NCK2: variants seen among roughly 807,000 people sequenced by gnomAD.
NCK2 encodes cytoplasmic protein NCK2.
NCK2 carries 16 observed loss-of-function variants against 33.9 expected under a neutral mutation model. The observed-to-expected ratio is 0.47, with a 90% CI of 0.32 to 0.72. The LOEUF (loss-of-function observed/expected upper bound fraction) is 0.72. Among genes scored for constraint, NCK2 ranks in the 30% least tolerant of loss-of-function variants. NCK2 has a pLI of 0.03. For missense variants in NCK2, 418 were observed against 537.3 expected (o/e 0.78, Z 2.19); for synonymous variants, 273 against 239.9 (o/e 1.14, Z -1.27).
At chr2:105,817,982 A>G (rs1441087467) in intron 2 of NCK2, among the ~76,000 whole-genome samples, 3 of 152,136 alleles carry the variant, frequency 2.0e-5, no homozygotes, top group African/African-American at 7.2e-5. Context: ...ATGCACACGT[A>G]TGTTTATTGC....
intron 1 of NCK2, among the ~76,000 whole-genome samples, chr2:105,814,293 C>A (rs1337452469): frequency 6.6e-6 from 1 of 152,190 alleles, no homozygotes; most frequent in African/African-American, 2.4e-5. Context: ...CAGTGGAATG[C>A]TTTTCTCAAG....
At chr2:105,831,607 T>C (rs1181985407) in intron 2 of NCK2, among the ~76,000 whole-genome samples, 4 of 152,194 alleles carry the variant, frequency 2.6e-5, no homozygotes, top group Non-Finnish European at 5.9e-5. Flanking sequence ...TTCTTCTGCA[T>C]ATGGATATCC....
chr2:105,868,021 T>C (rs889069422), intron 3 of NCK2, among the ~76,000 whole-genome samples: 40 of 152,242 alleles, frequency 2.6e-4, no homozygotes, highest in African/African-American at 9.2e-4. Flanking sequence ...GTCTGTTTCC[T>C]GGAAGCAGGT....
chr2:105,843,890 C>A (rs2104556688), intron 2 of NCK2, among the ~76,000 whole-genome samples: 1 of 152,310 alleles, frequency 6.6e-6, no homozygotes, highest in Middle Eastern at 3.4e-3. Context: ...TTCCAAAGAG[C>A]ATAGCATGGA....
chr2:105,883,026 A>G (rs1385789313), intron 4 of NCK2, among the ~76,000 whole-genome samples: 1 of 145,798 alleles, frequency 6.9e-6, no homozygotes, highest in Non-Finnish European at 1.5e-5. Context: ...AGAGGCATTC[A>G]AAGCCCTCCA....
At chr2:105,747,522 G>A (rs1217530829) in intron 1 of NCK2, among the ~76,000 whole-genome samples, 1 of 152,104 alleles carries the variant, frequency 6.6e-6, no homozygotes, top group Non-Finnish European at 1.5e-5. Context: ...CAGGGCTTGC[G>A]GAAATCATTC....
intron 3 of NCK2, among the ~76,000 whole-genome samples, chr2:105,874,564 G>A (rs116032203): frequency 6.6e-6 from 1 of 152,356 alleles, no homozygotes; most frequent in African/African-American, 2.4e-5. Flanking sequence ...AAAATTAAAT[G>A]ATTTTGCCAT....
chr2:105,757,315 T>G (rs1689627858), intron 1 of NCK2, among the ~76,000 whole-genome samples: 1 of 152,194 alleles, frequency 6.6e-6, no homozygotes, highest in East Asian at 1.9e-4. Flanking sequence ...GCCCCAACTT[T>G]CGCTGTGTTA....
intron 1 of NCK2, among the ~76,000 whole-genome samples, chr2:105,803,117 C>G (rs2104450430): frequency 6.6e-6 from 1 of 152,112 alleles, no homozygotes; most frequent in East Asian, 1.9e-4. Context: ...GAAGGTCAGT[C>G]TTGGGAAAGC....
chr2:105,810,909 C>T (rs1386146997), intron 1 of NCK2, among the ~76,000 whole-genome samples: 2 of 152,182 alleles, frequency 1.3e-5, no homozygotes. Context: ...GGTGCAGTGG[C>T]TCACACCTGT....
At chr2:105,787,698 A>G (rs1017083417) in intron 1 of NCK2, among the ~76,000 whole-genome samples, 4 of 152,180 alleles carry the variant, frequency 2.6e-5, no homozygotes, top group Non-Finnish European at 2.9e-5. Flanking sequence ...GTCAGGGTGC[A>G]CTGGTGACCA....
intron 1 of NCK2, among the ~76,000 whole-genome samples, chr2:105,748,758 G>T (rs1315455250): frequency 2.0e-5 from 3 of 151,952 alleles, no homozygotes; most frequent in African/African-American, 7.3e-5. Context: ...ACTAGATTCT[G>T]AACCGCTTGG....
chr2:105,854,883 C>G, intron 2 of NCK2, 165 bp from the exon 3 acceptor site: 1 of 576,310 alleles, frequency 1.7e-6, no homozygotes, highest in East Asian at 2.9e-5. Context: ...AATACTAAAG[C>G]TTGTTGAAAG....
chr2:105,779,954 C>T (rs1250958670), intron 1 of NCK2, among the ~76,000 whole-genome samples: 1 of 152,188 alleles, frequency 6.6e-6, no homozygotes, highest in Non-Finnish European at 1.5e-5. Flanking sequence ...ACATACTTCA[C>T]AGCTCAGCGA....
At chr2:105,764,190 C>T (rs931482118) in intron 1 of NCK2, among the ~76,000 whole-genome samples, 3 of 152,242 alleles carry the variant, frequency 2.0e-5, no homozygotes, top group African/African-American at 7.2e-5. Flanking sequence ...TTGGTGTGGG[C>T]CACAGCCTTG....
At chr2:105,868,725 T>C (rs1321945925) in intron 3 of NCK2, among the ~76,000 whole-genome samples, 1 of 152,244 alleles carries the variant, frequency 6.6e-6, no homozygotes, top group Non-Finnish European at 1.5e-5. Context: ...CTTTTTCTTC[T>C]TCAAAGCCTG....
chr2:105,749,161 A>G (rs748177897), intron 1 of NCK2, among the ~76,000 whole-genome samples: 1 of 152,242 alleles, frequency 6.6e-6, no homozygotes, highest in African/African-American at 2.4e-5. Context: ...GTCTGTTCCT[A>G]TCAACCTGAA....
intron 1 of NCK2, among the ~76,000 whole-genome samples, chr2:105,800,193 C>T (rs1268136755): frequency 6.6e-6 from 1 of 152,196 alleles, no homozygotes; most frequent in Non-Finnish European, 1.5e-5. Context: ...GCACGGGGGC[C>T]ACATGCCCAG....
At chr2:105,868,815 G>A (rs900950902) in intron 3 of NCK2, among the ~76,000 whole-genome samples, 3 of 152,188 alleles carry the variant, frequency 2.0e-5, no homozygotes, top group Non-Finnish European at 4.4e-5. Flanking sequence ...CGATAGCCTG[G>A]CTCAGCGCTT....
Sources: gnomAD v4.1 joint callset for allele counts (sites outside exome capture counted in the v4.1 genomes callset) on GRCh38, gnomAD v4.1.1 for gene constraint, MANE v1.5 for transcripts, NCBI Gene and HGNC (gene_info 2026-07-23, HGNC 2026-07-21) for gene names.